DDB1: variants seen among roughly 807,000 people sequenced by gnomAD.
The protein encoded by DDB1 is DNA damage-binding protein 1.
Under a neutral mutation model 133.1 loss-of-function variants are expected in DDB1, and 18 were observed. That is an observed-to-expected ratio of 0.14 (90% CI 0.09 to 0.20). The LOEUF (loss-of-function observed/expected upper bound fraction) is 0.20. DDB1 is among the 10% of genes least tolerant of loss of function. The probability of loss-of-function intolerance (pLI) is 1.00; values close to 1 mark genes in which losing one functional copy is unlikely to be tolerated. For synonymous variants in DDB1, 580 were observed against 550.5 expected, an observed-to-expected ratio of 1.05 and a Z score of -0.75; for missense variants, 828 against 1,459.2, an observed-to-expected ratio of 0.57 and a Z score of 7.05.
In DDB1 at chr11:61,309,813, A is replaced by C; in HGVS notation, c.2549T>G (p.Val850Gly). ...CCACTTACCATCCGAATACTGAAAG[A>C]CCACAATGCGACCCTGCTTGGGCTC... is the stretch of plus-strand genomic sequence containing the variant. ...EAEPKQGRIV[V>G]FQYSDGKLQT... The change falls in exon 20 of 27, where the codon GTC becomes GGC. Residue 850 changes from valine to glycine, a missense_variant. Val to Gly is a moderately radical substitution (Grantham distance 109). Coordinates refer to ENST00000301764, the MANE Select transcript of DDB1 (RefSeq NM_001923.5). 1 of 1,613,478 alleles carries C rather than the reference A, an allele frequency of 6.2e-7. No individual in the cohort carries two copies. The highest frequency in any genetic ancestry group is 8.5e-7 in the Non-Finnish European group (1 of 1,179,708).
At chr11:61,322,255 G>T in intron 9 of DDB1, 41 bp downstream of exon 9, 1 of 1,481,248 alleles carries the variant, frequency 6.8e-7, no homozygotes, top group Non-Finnish European at 9.4e-7. Context: ...CACAGTTTGA[G>T]TGGGCATATA....
At chr11:61,306,078 TATA>T (rs1855878129) in intron 21 of DDB1, among the ~76,000 whole-genome samples, 1 of 152,194 alleles carries the variant, frequency 6.6e-6, no homozygotes, top group Non-Finnish European at 1.5e-5. Context: ...ACATCGCTCA[TATA>T]ATATTTCTAT....
chr11:61,329,786 C>T (rs965524734), intron 3 of DDB1, among the ~76,000 whole-genome samples, 172 bp downstream of exon 3: 6 of 152,198 alleles, frequency 3.9e-5, no homozygotes, highest in Non-Finnish European at 8.8e-5. Context: ...TACCCTGTCC[C>T]TTGGGTCTTG....
chr11:61,309,969 T>C lies in DDB1; in HGVS notation c.2402-9A>G, dbSNP rs374720910. 37 of 1,613,782 alleles carry C rather than the reference T, an allele frequency of 2.3e-5. No homozygotes were observed. In the African/African-American group the frequency reaches 3.3e-4, roughly 15 times the overall value. On this transcript the variant is annotated splice_polypyrimidine_tract_variant and intron_variant, in intron 19 of 26. Coordinates refer to ENST00000301764, the MANE Select transcript of DDB1 (RefSeq NM_001923.5). The stretch of plus-strand genomic sequence containing the variant: ...CTGGTGGGCATGAAGCACTAGAGAG[T>C]AGAGAGATGACTACGTGATGACAGG...
In DDB1 at chr11:61,332,998, C is replaced by G; in HGVS notation, c.-30G>C. ...AGGCTTGGAGCGGCCCGTCGGGACT[C>G]GAGCGCGACACTAGAAAGAGGGACA... On this transcript the variant is annotated 5_prime_UTR_variant, in exon 1 of 27. Transcript: ENST00000301764. 2 of 1,482,152 alleles carry G rather than the reference C, an allele frequency of 1.3e-6. No individual in the cohort carries two copies. Among genetic ancestry groups the G allele is most frequent in the South Asian group, 2.5e-5 (2 of 78,454 alleles). The allele number at this position is 1,482,152 out of a possible 1,614,324, so 91.8% of individuals were successfully genotyped here. A position where few individuals can be genotyped will look rare whatever the true frequency, so the allele number is the denominator to read the frequency against.
At chr11:61,303,630 G>A (rs1590678645) in intron 22 of DDB1, among the ~76,000 whole-genome samples, 1 of 150,036 alleles carries the variant, frequency 6.7e-6, no homozygotes, top group East Asian at 2.0e-4. Context: ...CGTGAACCTG[G>A]GAGGCAGAGC....
At chr11:61,332,800 TC>T in intron 1 of DDB1, 107 bp downstream of exon 1, 1 of 987,388 alleles carries the variant, frequency 1.0e-6, no homozygotes, top group Non-Finnish European at 1.4e-6. Flanking sequence ...CGCCTTCCAT[TC>T]GCCGGGCCCA....
chr11:61,325,243 C>T (rs937580323), intron 6 of DDB1, among the ~76,000 whole-genome samples: 1 of 152,018 alleles, frequency 6.6e-6, no homozygotes, highest in South Asian at 2.1e-4. Context: ...GAGGTTGAGA[C>T]AGGAGGATCA....
At chr11:61,308,161 T>A (rs1855906725) in intron 21 of DDB1, among the ~76,000 whole-genome samples, 1 of 152,200 alleles carries the variant, frequency 6.6e-6, no homozygotes, top group Non-Finnish European at 1.5e-5. Flanking sequence ...CTCTGCACGT[T>A]CTGGCCCCTG....
chr11:61,314,597 G>C, intron 12 of DDB1, 111 bp from the exon 13 acceptor site: 1 of 1,094,978 alleles, frequency 9.1e-7, no homozygotes. Flanking sequence ...AGCTACATGA[G>C]GCTTCTATTT....
At chr11:61,327,294 AC>A (rs1213388225) in intron 4 of DDB1, among the ~76,000 whole-genome samples, 1 of 152,024 alleles carries the variant, frequency 6.6e-6, no homozygotes, top group East Asian at 1.9e-4. Context: ...ACACGGCAAA[AC>A]CCCGTCCCTG....
At chr11:61,319,693 G>A (rs566228459) in intron 10 of DDB1, among the ~76,000 whole-genome samples, 1 of 152,308 alleles carries the variant, frequency 6.6e-6, no homozygotes, top group South Asian at 2.1e-4. Context: ...GCCTCCCAAA[G>A]TGCTGGGATT....
intron 10 of DDB1, among the ~76,000 whole-genome samples, chr11:61,319,064 G>T (rs1856134495): frequency 6.6e-6 from 1 of 152,190 alleles, no homozygotes; most frequent in African/African-American, 2.4e-5. Flanking sequence ...AAATTAGCCA[G>T]GCGTGGTGGC....
Position 61,302,764 on chromosome 11 carries a change from A to C in DDB1, c.2943-13T>G. On this transcript the variant is annotated splice_polypyrimidine_tract_variant and intron_variant, in intron 23 of 26. Coordinates refer to ENST00000301764, the MANE Select transcript of DDB1 (RefSeq NM_001923.5). The stretch of plus-strand genomic sequence containing the variant: ...AGTGGTGGCAGCGCTGAAAGGCGGT[A>C]AGAAAGTCACTTTCTGAACCTCCTG... 1.2e-6 allele frequency: 2 copies of C among 1,614,030 alleles called. No individual in the cohort carries two copies. Among genetic ancestry groups the C allele is most frequent in the African/African-American group, 2.7e-5 (2 of 75,050 alleles).
At chr11:61,300,310 G>A (rs1855772192) in intron 26 of DDB1, 91 bp from the exon 27 acceptor site, 1 of 1,293,156 alleles carries the variant, frequency 7.7e-7, no homozygotes, top group African/African-American at 1.5e-5. Context: ...GGAGGCACAA[G>A]ACTCCACCAT....
At chr11:61,303,659 G>A (rs562802794) in intron 22 of DDB1, among the ~76,000 whole-genome samples, 4 of 132,122 alleles carry the variant, frequency 3.0e-5, no homozygotes, top group Non-Finnish European at 3.0e-5. Context: ...AGCCGAGATC[G>A]CACCACCGCA....
At position 61,313,533 on chromosome 11, in the gene DDB1, T is replaced by C; in HGVS notation, c.2035A>G (p.Met679Val). Residue 679 changes from methionine (M) to valine (V), a missense_variant, in exon 16 of 27, where the codon ATG becomes GTG. Met to Val is a conservative substitution (Grantham distance 21, BLOSUM62 1). Around this residue, in one of 7 missense-constraint regions of DDB1, gnomAD observed 396 missense variants for 554.1 expected, o/e 0.71. Coordinates refer to ENST00000301764, the MANE Select transcript of DDB1 (RefSeq NM_001923.5). ...SNVNLKEVNY[M>V]CPLNSDGYPD... ...TAGCCATCTGAATTGAGGGGACACA[T>C]GTAGTTCACTTCCTTGAGGTTGACA... is the stretch of plus-strand genomic sequence containing the variant. 6.2e-7 allele frequency: 1 copy of C among 1,614,164 alleles called. No homozygotes were observed. The highest frequency in any genetic ancestry group is 8.5e-7 in the Non-Finnish European group (1 of 1,180,018).
intron 10 of DDB1, 59 bp downstream of exon 10, chr11:61,321,536 G>A (rs939872063): frequency 2.0e-6 from 3 of 1,537,660 alleles, no homozygotes; most frequent in Admixed American, 1.7e-5. Context: ...TTCACAACAT[G>A]TAACAAGGCC....
At chr11:61,305,890 C>T (rs765911073) in intron 21 of DDB1, among the ~76,000 whole-genome samples, 6 of 152,278 alleles carry the variant, frequency 3.9e-5, no homozygotes, top group Admixed American at 2.0e-4. Context: ...ATAAAATACA[C>T]ACCAGATTTT....
Sources: gnomAD v4.1 joint callset for allele counts (sites outside exome capture counted in the v4.1 genomes callset) on GRCh38, gnomAD v4.1.1 for gene constraint, gnomAD v4.1.1 regional missense constraint, MANE v1.5 for transcripts, NCBI Gene and HGNC (gene_info 2026-07-23, HGNC 2026-07-21) for gene names.